ZNF273: variants seen among roughly 807,000 people sequenced by gnomAD.
ZNF273 encodes zinc finger protein 9.
Under a neutral mutation model 14.9 loss-of-function variants are expected in ZNF273, and 11 were observed. That is an observed-to-expected ratio of 0.74 (90% CI 0.46 to 1.22). The LOEUF (loss-of-function observed/expected upper bound fraction) is 1.22, where lower values mean the gene tolerates loss of function less well. ZNF273 is among the 50% of genes most tolerant of loss of function. The pLI is 0.00. For missense variants in ZNF273, 577 were observed against 660.6 expected (o/e 0.87, Z 1.39); for synonymous variants, 199 against 223.9 (o/e 0.89, Z 0.99).
intron 1 of ZNF273, among the ~76,000 whole-genome samples, chr7:64,913,025 C>T (rs539736077): frequency 1.4e-4 from 21 of 151,328 alleles, no homozygotes; most frequent in Non-Finnish European, 2.7e-4. Flanking sequence ...GATGAGGTTT[C>T]GCCATGTTGG....
chr7:64,929,245 A>G lies in ZNF273; in HGVS notation c.*207A>G, dbSNP rs1352863171. ...CAGCGAGTTGGTATTTAATAAAAGC[A>G]TTATCAATGAAATTACTGTCAAAAG... On this transcript the variant is annotated 3_prime_UTR_variant, in exon 4 of 4. Coordinates refer to ENST00000476120, the MANE Select transcript of ZNF273 (RefSeq NM_021148.3). 2 of 397,600 alleles carry G rather than the reference A, an allele frequency of 5.0e-6. No homozygotes were observed. The highest frequency in any genetic ancestry group is 4.1e-5 in the East Asian group (1 of 24,524). 24.6% of individuals were successfully genotyped at this position (397,600 alleles called of 1,614,324 possible).
chr7:64,900,898 T>C (rs1792668011), upstream of ZNF273, among the ~76,000 whole-genome samples: 1 of 152,202 alleles, frequency 6.6e-6, no homozygotes, highest in Non-Finnish European at 1.5e-5. Context: ...CTCTTTTGCC[T>C]ATAAACTTCT....
At chr7:64,885,822 T>A (rs1411761879) in intron 1 of ZNF273, among the ~76,000 whole-genome samples, 1 of 151,068 alleles carries the variant, frequency 6.6e-6, no homozygotes. Context: ...TGGGAGGGAG[T>A]GGAGGAGATG....
chr7:64,907,246 T>G (rs1401482509), intron 1 of ZNF273, among the ~76,000 whole-genome samples: 1 of 152,210 alleles, frequency 6.6e-6, no homozygotes, highest in Non-Finnish European at 1.5e-5. Context: ...GAGCACCATC[T>G]AAGTCATAAT....
At chr7:64,926,230 G>T (rs868027831) in intron 3 of ZNF273, among the ~76,000 whole-genome samples, 1 of 145,962 alleles carries the variant, frequency 6.9e-6, no homozygotes. Flanking sequence ...CTAATTCACT[G>T]GTTTTCTCAT....
intron 3 of ZNF273, among the ~76,000 whole-genome samples, chr7:64,926,978 T>C (rs1374889800): frequency 3.3e-5 from 5 of 152,210 alleles, no homozygotes; most frequent in African/African-American, 1.2e-4. Flanking sequence ...CCATTTCTTT[T>C]GCATTTGTCA....
chr7:64,918,323 T>C (rs1166511459), intron 3 of ZNF273, 31 bp downstream of exon 3: 3 of 1,513,184 alleles, frequency 2.0e-6, no homozygotes, highest in Non-Finnish European at 2.7e-6. Flanking sequence ...ATATAACAGA[T>C]GACACAGATG....
downstream of ZNF273, chr7:64,933,723 A>G (rs1350320073): frequency 6.6e-6 from 1 of 152,074 alleles, no homozygotes; most frequent in Non-Finnish European, 1.5e-5. Flanking sequence ...TTGAAACATT[A>G]TTATCTTTCT....
At chr7:64,917,762 T>C in intron 2 of ZNF273, 55 bp downstream of exon 2, 1 of 1,500,420 alleles carries the variant, frequency 6.7e-7, no homozygotes, top group Non-Finnish European at 8.9e-7. Context: ...TTCTGTAGAA[T>C]GTTTTTTGGA....
chr7:64,898,784 AC>A (rs1792512349), upstream of ZNF273, among the ~76,000 whole-genome samples: 1 of 152,210 alleles, frequency 6.6e-6, no homozygotes, highest in South Asian at 2.1e-4. Context: ...GTGGAGGTGC[AC>A]CACATTGCAT....
At chr7:64,878,745 G>C (rs1292773145) in intron 2 of ZNF273, among the ~76,000 whole-genome samples, 1 of 152,196 alleles carries the variant, frequency 6.6e-6, no homozygotes, top group Non-Finnish European at 1.5e-5. Context: ...CATGGCAGTG[G>C]GATGGATGAC....
intron 1 of ZNF273, among the ~76,000 whole-genome samples, chr7:64,907,485 T>C (rs985211730): frequency 2.0e-5 from 3 of 152,180 alleles, no homozygotes; most frequent in Non-Finnish European, 4.4e-5. Context: ...TATCAAATTA[T>C]TGAACTTGAG....
At position 64,928,455 on chromosome 7, in the gene ZNF273, G is replaced by T; in HGVS notation, c.1127G>T (p.Cys376Phe). Residue 376 changes from cysteine (C) to phenylalanine (F), a missense_variant, in exon 4 of 4, where the codon TGT becomes TTT. Transcript: ENST00000476120. Reference sequence around the variant, plus strand: ...CATACTGGAGAGAAACCCTACAAATGTGAAGAATGTGGCAAAGCTTTTAAC... The same window carrying T: ...CATACTGGAGAGAAACCCTACAAATTTGAAGAATGTGGCAAAGCTTTTAAC... ...RIHTGEKPYK[C>F]EECGKAFNQS... 3.7e-6 allele frequency: 6 copies of T among 1,612,436 alleles called. No individual in the cohort carries two copies. Among genetic ancestry groups the T allele is most frequent in the Non-Finnish European group, 5.1e-6 (6 of 1,179,598 alleles).
At chr7:64,900,287 G>A (rs1032007467), upstream of ZNF273, among the ~76,000 whole-genome samples, 9 of 151,920 alleles carry the variant, frequency 5.9e-5, no homozygotes, top group South Asian at 1.5e-3. Flanking sequence ...CCACCATGCC[G>A]GGCAATTTTT....
intron 1 of ZNF273, among the ~76,000 whole-genome samples, chr7:64,916,454 A>G (rs1469265132): frequency 2.0e-5 from 3 of 148,498 alleles, no homozygotes; most frequent in African/African-American, 7.4e-5. Context: ...CTGAAGCAGG[A>G]GAATCGCTTG....
chr7:64,915,524 C>T (rs1217334816), intron 1 of ZNF273, among the ~76,000 whole-genome samples: 1 of 152,234 alleles, frequency 6.6e-6, no homozygotes, highest in African/African-American at 2.4e-5. Flanking sequence ...GGCTACTTAT[C>T]TGCAGCAGGA....
Position 64,903,293 on chromosome 7 carries a change from C to T in ZNF273, c.-25C>T, listed in dbSNP as rs751989822. On this transcript the variant is annotated 5_prime_UTR_variant, in exon 1 of 4. Coordinates refer to ENST00000476120, the MANE Select transcript of ZNF273 (RefSeq NM_021148.3). ...CCTTTGTCTCTCGCTGCAGTCGCAG[C>T]TCCAGGTCTCGTCTTCACTGCTCTA... 6.3e-7 allele frequency: 1 copy of T among 1,580,888 alleles called. No homozygotes were observed. The highest frequency in any genetic ancestry group is 1.3e-5 in the African/African-American group (1 of 74,182).
At chr7:64,888,171 C>T (rs934587419) in intron 1 of ZNF273, among the ~76,000 whole-genome samples, 2 of 152,178 alleles carry the variant, frequency 1.3e-5, no homozygotes, top group Admixed American at 6.5e-5. Flanking sequence ...CTGGGGAGCC[C>T]CCGGGGCCCT....
chr7:64,882,129 C>T (rs1200513341), downstream of ZNF273, among the ~76,000 whole-genome samples: 1 of 152,196 alleles, frequency 6.6e-6, no homozygotes, highest in East Asian at 1.9e-4. Context: ...GCCCCGCAAT[C>T]TTCCGCTGAC....
Sources: allele counts gnomAD v4.1 joint callset (sites outside exome capture counted in the v4.1 genomes callset), GRCh38; gene constraint gnomAD v4.1.1; transcripts MANE v1.5; gene names NCBI Gene and HGNC (gene_info 2026-07-23, HGNC 2026-07-21).